The following DPP9 variants were observed in gnomAD, a reference collection of about 807,000 sequenced individuals.
The protein encoded by DPP9 is dipeptidyl peptidase IV-related protein-2.
Under a neutral mutation model 110.7 loss-of-function variants are expected in DPP9, and 50 were observed. That is an observed-to-expected ratio of 0.45 (90% CI 0.36 to 0.57). The LOEUF (loss-of-function observed/expected upper bound fraction) is 0.57, where lower values mean the gene tolerates loss of function less well. Ranked by LOEUF, DPP9 falls within the 20% of genes least tolerant of loss-of-function variation. The pLI is 0.00. For synonymous variants in DPP9, 561 were observed against 514.4 expected, an observed-to-expected ratio of 1.09 and a Z score of -1.23; for missense variants, 1,022 against 1,217.9, an observed-to-expected ratio of 0.84 and a Z score of 2.39.
intron 4 of DPP9, among the ~76,000 whole-genome samples, chr19:4,709,617 G>C (rs935362949): frequency 6.6e-6 from 1 of 152,126 alleles, no homozygotes; most frequent in Non-Finnish European, 1.5e-5. Context: ...ACAGGAAGTG[G>C]GTTCATGGTT....
chr19:4,676,737 G>T lies in DPP9; in HGVS notation c.2587-81C>A. ...TAGGCTCCTCCCTTATTCTGGCTCA[G>T]GGCATCCGGGAAGGCGCAGGTGCTC... On this transcript the variant is annotated intron_variant, in intron 21 of 21. Coordinates refer to ENST00000262960, the MANE Select transcript of DPP9 (RefSeq NM_139159.5). The surrounding 1 kb of genome is among the most constrained non-coding windows in gnomAD (Gnocchi z 4.0). 1 of 1,231,418 alleles carries T rather than the reference G, an allele frequency of 8.1e-7. No individual in the cohort carries two copies. The highest frequency in any genetic ancestry group is 1.2e-6 in the Non-Finnish European group (1 of 862,790). 76.3% of individuals were successfully genotyped at this position (1,231,418 alleles called of 1,614,324 possible).
chr19:4,701,928 C>A (rs1255584255), intron 9 of DPP9, 99 bp downstream of exon 9: 11 of 1,488,920 alleles, frequency 7.4e-6, no homozygotes, highest in Non-Finnish European at 7.3e-6. Context: ...AGAGCACACA[C>A]ATGCAGCTCA....
rs2092470822 is a variant in DPP9 at position 4,704,445 on chromosome 19, G to C, written c.427-141C>G. ...CAGAGAGAACTTCCTGTACTGGGCAGAATTGGCTGCCGGAGCCCTTGACAC... is the reference window on the plus strand; with the variant it reads ...CAGAGAGAACTTCCTGTACTGGGCACAATTGGCTGCCGGAGCCCTTGACAC... On this transcript the variant is annotated intron_variant, in intron 5 of 21. Transcript: ENST00000262960. The surrounding 1 kb of genome is among the most constrained non-coding windows in gnomAD (Gnocchi z 6.0). 2 of 1,067,304 alleles carry C rather than the reference G, an allele frequency of 1.9e-6. No homozygotes were observed. The highest frequency in any genetic ancestry group is 2.7e-6 in the Non-Finnish European group (2 of 746,642). 66.1% of individuals were successfully genotyped at this position (1,067,304 alleles called of 1,614,324 possible).
rs898809778 is a variant in DPP9 at position 4,687,733 on chromosome 19, G to A, written c.1885+1024C>T. Among the ~76,000 whole-genome samples, 2 of 152,226 alleles carry A rather than the reference G, an allele frequency of 1.3e-5. No individual in the cohort carries two copies. Among genetic ancestry groups the A allele is most frequent in the African/African-American group, 4.8e-5 (2 of 41,452 alleles). On this transcript the variant is annotated intron_variant, in intron 16 of 21. Coordinates refer to ENST00000262960, the MANE Select transcript of DPP9 (RefSeq NM_139159.5). This position sits in a 1 kb window ranked among gnomAD's most constrained non-coding sequence, Gnocchi z 4.7. ...GAGTGGAAAGCCTGATAACCACGGC[G>A]GGTTTCAAACCAGTGTGGGTGGACT...
intron 21 of DPP9, among the ~76,000 whole-genome samples, chr19:4,678,201 C>T (rs2089179876): frequency 6.6e-6 from 1 of 152,192 alleles, no homozygotes; most frequent in Admixed American, 6.5e-5. Flanking sequence ...GAACCTCCGC[C>T]TCCCAGGTTC....
rs753917649 is a variant in DPP9, at chr19:4,684,842, G to A, written c.2032-33C>T. 15 of 1,573,900 alleles carry A rather than the reference G, an allele frequency of 9.5e-6. No homozygotes were observed. Among genetic ancestry groups the A allele is most frequent in the African/African-American group, 2.7e-5 (2 of 74,118 alleles). ...GAGGTGAGGGCCAGCAGTCCAGCAC[G>A]AGATGCCGGGCAGGACGGGCCTGGC... On this transcript the variant is annotated intron_variant, in intron 17 of 21. Transcript: ENST00000262960. This position sits in a 1 kb window ranked among gnomAD's most constrained non-coding sequence, Gnocchi z 4.8.
intron 21 of DPP9, 141 bp downstream of exon 21, chr19:4,679,694 G>C (rs2089522215): frequency 1.5e-6 from 1 of 660,506 alleles, no homozygotes; most frequent in Admixed American, 2.4e-5. Context: ...GGGACACAGG[G>C]CTGTGGGGTG....
rs1462015435 is a variant in DPP9, at chr19:4,698,397, T to C, written c.1075-746A>G. ...CACATCCCCAAGCCGACTTGTTTGA[T>C]TGGCATCACCCCAGCCCACCTAAGG... On this transcript the variant is annotated intron_variant, in intron 10 of 21. Transcript: ENST00000262960. This position sits in a 1 kb window ranked among gnomAD's most constrained non-coding sequence, Gnocchi z 4.2. Among the ~76,000 whole-genome samples, 3 of 152,282 alleles carry C rather than the reference T, an allele frequency of 2.0e-5. No individual in the cohort carries two copies. The highest frequency in any genetic ancestry group is 4.8e-5 in the African/African-American group (2 of 41,576).
intron 4 of DPP9, among the ~76,000 whole-genome samples, chr19:4,707,787 G>A (rs190579183): frequency 1.6e-4 from 25 of 151,632 alleles, no homozygotes; most frequent in Admixed American, 1.4e-3. Context: ...CACCACACCC[G>A]GCTAATTTTT....
chr19:4,685,839 T>C lies in DPP9; in HGVS notation c.1886-68A>G. On this transcript the variant is annotated intron_variant, in intron 16 of 21. Transcript: ENST00000262960. This position sits in a 1 kb window ranked among gnomAD's most constrained non-coding sequence, Gnocchi z 5.8. The stretch of plus-strand genomic sequence containing the variant: ...CATCCAGCTGACACCCTTGTTCTCC[T>C]GCCCACCCCAAGCCTTGGAGGGTGG... 6.4e-7 allele frequency: 1 copy of C among 1,571,516 alleles called. No homozygotes were observed. Among genetic ancestry groups the C allele is most frequent in the Non-Finnish European group, 8.6e-7 (1 of 1,157,470 alleles).
chr19:4,677,227 T>C (rs930569235), intron 21 of DPP9, among the ~76,000 whole-genome samples: 3 of 151,980 alleles, frequency 2.0e-5, no homozygotes, highest in Admixed American at 6.6e-5. Context: ...ACGCCAGGCC[T>C]GGGGGTGGAT....
rs911592443 is a variant in DPP9, at chr19:4,704,411, G to C, written c.427-107C>G. On this transcript the variant is annotated intron_variant, in intron 5 of 21. Coordinates refer to ENST00000262960, the MANE Select transcript of DPP9 (RefSeq NM_139159.5). This position sits in a 1 kb window ranked among gnomAD's most constrained non-coding sequence, Gnocchi z 6.0. ...GGGCATTCCCAGGGAATCTGACTTCGGGCCTCGCCAGAGAGAACTTCCTGT... is the reference window on the plus strand; with the variant it reads ...GGGCATTCCCAGGGAATCTGACTTCCGGCCTCGCCAGAGAGAACTTCCTGT... 2 of 1,358,904 alleles carry C rather than the reference G, an allele frequency of 1.5e-6. No homozygotes were observed. Among genetic ancestry groups the C allele is most frequent in the African/African-American group, 1.4e-5 (1 of 69,284 alleles). 84.2% of individuals were successfully genotyped at this position (1,358,904 alleles called of 1,614,324 possible). A position where few individuals can be genotyped will look rare whatever the true frequency, so the allele number is the denominator to read the frequency against.
At position 4,710,396 on chromosome 19, in the gene DPP9, T is replaced by C. The variant is rs1001909134; in HGVS notation, c.313+3685A>G. 2.0e-5 allele frequency among the ~76,000 whole-genome samples: 3 copies of C among 152,216 alleles called. No homozygotes were observed. The highest frequency in any genetic ancestry group is 6.5e-5 in the Admixed American group (1 of 15,292). ...GTCACCGTTTGCAGTGGGGAGAGGC[T>C]GATCCGCGTGGGGCGGGAGCGGGGT... On this transcript the variant is annotated intron_variant, in intron 4 of 21. Coordinates refer to ENST00000262960, the MANE Select transcript of DPP9 (RefSeq NM_139159.5). The surrounding 1 kb of genome is among the most constrained non-coding windows in gnomAD (Gnocchi z 5.6).
chr19:4,676,484 C>A lies in DPP9; in HGVS notation c.*80G>T, dbSNP rs2088842241. The A allele has an allele frequency of 7.8e-7, 1 of 1,274,496 alleles. No individual in the cohort carries two copies. Among genetic ancestry groups the A allele is most frequent in the Non-Finnish European group, 1.1e-6 (1 of 897,758 alleles). The allele number at this position is 1,274,496 out of a possible 1,614,324, so 78.9% of individuals were successfully genotyped here. A position where few individuals can be genotyped will look rare whatever the true frequency, so the allele number is the denominator to read the frequency against. ...AAAGTGCCTCACTGGGGCCCGCGGGCCACTCAGTCCCTCCCGCCTGGTTCC... is the reference window on the plus strand; with the variant it reads ...AAAGTGCCTCACTGGGGCCCGCGGGACACTCAGTCCCTCCCGCCTGGTTCC... On this transcript the variant is annotated 3_prime_UTR_variant, in exon 22 of 22. Transcript: ENST00000262960. This position sits in a 1 kb window ranked among gnomAD's most constrained non-coding sequence, Gnocchi z 4.0.
rs975262235 is a variant in DPP9, at chr19:4,685,402, G to A, written c.2031+224C>T. The stretch of plus-strand genomic sequence containing the variant: ...GTCAGCAGGCGGAGGGGGAAGGGGA[G>A]GCCATCCAGGAAGGGCGGGGAGCGT... On this transcript the variant is annotated intron_variant, in intron 17 of 21. Transcript: ENST00000262960. The surrounding 1 kb of genome is among the most constrained non-coding windows in gnomAD (Gnocchi z 5.8). 1.6e-5 allele frequency: 11 copies of A among 673,206 alleles called. No individual in the cohort carries two copies. The highest frequency in any genetic ancestry group is 3.5e-5 in the African/African-American group (2 of 56,610). 41.7% of individuals were successfully genotyped at this position (673,206 alleles called of 1,614,324 possible).
chr19:4,722,620 C>A, intron 1 of DPP9, 69 bp from the exon 2 acceptor site: 1 of 700,226 alleles, frequency 1.4e-6, no homozygotes, highest in South Asian at 1.5e-5. Flanking sequence ...TCAGCCTCCC[C>A]CACTCAGGAG....
intron 1 of DPP9, among the ~76,000 whole-genome samples, chr19:4,722,998 G>A (rs1350238388): frequency 6.6e-6 from 1 of 152,198 alleles, no homozygotes; most frequent in Non-Finnish European, 1.5e-5. Context: ...TAGGCGGTTG[G>A]ACAGGCCTGA....
Position 4,702,075 on chromosome 19 carries a change from G to C in DPP9, c.964C>G (p.Pro322Ala), listed in dbSNP as rs748865282. 1 of 1,613,962 alleles carries C rather than the reference G, an allele frequency of 6.2e-7. No individual in the cohort carries two copies. Among genetic ancestry groups the C allele is most frequent in the Non-Finnish European group, 8.5e-7 (1 of 1,179,852 alleles). The change falls in exon 9 of 22, where the codon CCT (proline) becomes GCT (alanine). Residue 322 changes from proline to alanine, a missense_variant. By Grantham distance (27) the Pro-to-Ala change is conservative. Around this residue, in one of 3 missense-constraint regions of DPP9, gnomAD observed 810 missense variants for 920.6 expected, o/e 0.88. Coordinates refer to ENST00000262960, the MANE Select transcript of DPP9 (RefSeq NM_139159.5). ...SEVEVIHVPS[P>A]ALEERKTDSY... ...TCCGTCTTCCTTTCTTCTAGCGCAG[G>C]AGAGGGGACGTGAATGACCTCCACC... is the stretch of plus-strand genomic sequence containing the variant.
At chr19:4,683,833 C>T in intron 18 of DPP9, 1 of 1,532,954 alleles carries the variant, frequency 6.5e-7, no homozygotes, top group East Asian at 2.5e-5. Flanking sequence ...TGCTCTGCCA[C>T]CTCCCAGGTG....
Sources: gnomAD v4.1 joint callset for allele counts (sites outside exome capture counted in the v4.1 genomes callset) on GRCh38, gnomAD v4.1.1 for gene constraint, gnomAD v4.1.1 regional missense constraint, Gnocchi (gnomAD v3.1) non-coding constraint, MANE v1.5 for transcripts, NCBI Gene and HGNC (gene_info 2026-07-23, HGNC 2026-07-21) for gene names.